TEX11: variants seen among roughly 807,000 people sequenced by gnomAD.
The protein encoded by TEX11 is testis expressed 11, also known as testis-expressed protein 11.
Under a neutral mutation model 84.4 loss-of-function variants are expected in TEX11, and 7 were observed. The observed-to-expected ratio is 0.08, with a 90% CI of 0.05 to 0.16. The LOEUF (loss-of-function observed/expected upper bound fraction) is 0.16, where lower values mean the gene tolerates loss of function less well. Among genes scored for constraint, TEX11 ranks in the 10% least tolerant of loss-of-function variants. TEX11 has a pLI of 1.00. For synonymous variants in TEX11, 264 were observed against 222.8 expected, an observed-to-expected ratio of 1.18 and a Z score of -1.64; for missense variants, 551 against 660.5, an observed-to-expected ratio of 0.83 and a Z score of 1.82.
intron 8 of TEX11, among the ~76,000 whole-genome samples, chrX:70,817,644 G>A (rs930734548): frequency 1.2e-4 from 13 of 110,594 alleles, no homozygotes; most frequent in African/African-American, 2.6e-4. Flanking sequence ...AGATCATGCC[G>A]CTGCACTCCA....
At chrX:70,905,060 C>G in intron 2 of TEX11, among the ~76,000 whole-genome samples, 1 of 112,182 alleles carries the variant, frequency 8.9e-6, no homozygotes, top group South Asian at 3.7e-4. Context: ...CAGTGGCTCT[C>G]ACCTGTAATC....
rs764401812 is a variant in TEX11 at position 70,567,189 on chromosome X, C to T, written c.2141-12389G>A. Among the ~76,000 whole-genome samples the T allele has an allele frequency of 6.4e-3, 702 of 110,109 alleles. 5 individuals are homozygous for T. The highest frequency in any genetic ancestry group is 0.01 in the Non-Finnish European group (541 of 52,565). On this transcript the variant is annotated intron_variant, in intron 25 of 29. Coordinates refer to ENST00000374333, the MANE Select transcript of TEX11 (RefSeq NM_031276.3). The stretch of plus-strand genomic sequence containing the variant: ...TCTTCTAGATTTTCTAGTTTATTTG[C>T]GTAGAGGTGTTTGTAGTATTCTCTG...
intron 25 of TEX11, among the ~76,000 whole-genome samples, chrX:70,582,519 C>T (rs901131328): frequency 1.8e-5 from 2 of 111,046 alleles, no homozygotes; most frequent in African/African-American, 6.5e-5. Flanking sequence ...AAAAGTTATT[C>T]TTCATCTTCT....
intron 4 of TEX11, 143 bp from the exon 5 acceptor site, chrX:70,861,079 T>TTTTTTTA (rs2091566181): frequency 1.4e-5 from 4 of 290,904 alleles, no homozygotes; most frequent in African/African-American, 1.3e-4. Context: ...TTTTTTTTTT[T>TTTTTTTA]GAGACGGAGT....
At chrX:70,821,893 T>C (rs2091319960) in intron 8 of TEX11, among the ~76,000 whole-genome samples, 1 of 111,654 alleles carries the variant, frequency 9.0e-6, no homozygotes, top group South Asian at 3.8e-4. Context: ...TACTATATGA[T>C]ATAGCCATTT....
chrX:70,691,062 A>G (rs955890425), intron 13 of TEX11, among the ~76,000 whole-genome samples: 1 of 112,230 alleles, frequency 8.9e-6, no homozygotes, highest in African/African-American at 3.2e-5. Flanking sequence ...AAACATACAA[A>G]TAGCCAAAAG....
At chrX:70,734,222 G>T (rs931606035) in intron 11 of TEX11, among the ~76,000 whole-genome samples, 19 of 109,924 alleles carry the variant, frequency 1.7e-4, no homozygotes, top group Admixed American at 4.9e-4. Context: ...GTTAATGGGT[G>T]TAGCACACCA....
chrX:70,841,951 T>C (rs1389242732), intron 7 of TEX11, among the ~76,000 whole-genome samples: 1 of 111,815 alleles, frequency 8.9e-6, no homozygotes, highest in Non-Finnish European at 1.9e-5. Flanking sequence ...AATCTCTGAA[T>C]AGACCAATAA....
chrX:70,751,486 G>C (rs1419161245), intron 9 of TEX11, among the ~76,000 whole-genome samples: 2 of 71,875 alleles, frequency 2.8e-5, no homozygotes, highest in Non-Finnish European at 5.0e-5. Flanking sequence ...CCTGTTGTGG[G>C]GTGGGGGGAG....
chrX:70,661,853 C>T (rs1405538742), intron 16 of TEX11, among the ~76,000 whole-genome samples: 1 of 111,700 alleles, frequency 9.0e-6, no homozygotes, highest in Non-Finnish European at 1.9e-5. Context: ...ACATCCACAC[C>T]AAAACCTCAT....
intron 17 of TEX11, among the ~76,000 whole-genome samples, chrX:70,645,346 C>T (rs189257846): frequency 8.1e-5 from 9 of 110,512 alleles, no homozygotes; most frequent in Admixed American, 2.9e-4. Flanking sequence ...ACACCATACT[C>T]AATGGTGAAT....
rs181350881 is a variant in TEX11 at position 70,694,425 on chromosome X, T to C, written c.1005-11600A>G. 3.6e-5 allele frequency among the ~76,000 whole-genome samples: 4 copies of C among 111,817 alleles called. No homozygotes were observed. The South Asian group carries it at 1.1e-3, about 32-fold the overall frequency. On this transcript the variant is annotated intron_variant, in intron 13 of 29. Transcript: ENST00000374333. ...ACAGGGCAAAAGATTTTAACAGGCA[T>C]TTCACAAAAAGGGATACACACATGA...
chrX:70,875,741 C>T (rs1003652867), intron 3 of TEX11, among the ~76,000 whole-genome samples: 1 of 110,703 alleles, frequency 9.0e-6, no homozygotes, highest in Non-Finnish European at 1.9e-5. Context: ...CAGAGCGAGA[C>T]TCTGCCTCAA....
At chrX:70,764,194 A>C (rs1332288241) in intron 9 of TEX11, among the ~76,000 whole-genome samples, 1 of 112,101 alleles carries the variant, frequency 8.9e-6, no homozygotes, top group East Asian at 2.8e-4. Context: ...GAAACTATAC[A>C]AATACATGAA....
intron 9 of TEX11, among the ~76,000 whole-genome samples, chrX:70,762,573 T>C (rs2090915585): frequency 9.0e-6 from 1 of 110,561 alleles, no homozygotes; most frequent in African/African-American, 3.3e-5. Context: ...GCAAGGGATC[T>C]AGGCTGCACA....
chrX:70,566,579 T>C (rs948486268), intron 25 of TEX11, among the ~76,000 whole-genome samples: 10 of 111,474 alleles, frequency 9.0e-5, no homozygotes, highest in African/African-American at 3.3e-4. Flanking sequence ...ATACATCCCA[T>C]CAATACCTAA....
At chrX:70,714,206 T>C (rs1208587134) in intron 13 of TEX11, among the ~76,000 whole-genome samples, 5 of 111,009 alleles carry the variant, frequency 4.5e-5, no homozygotes, top group Non-Finnish European at 9.5e-5. Flanking sequence ...AGTGCTTTAC[T>C]TCCAAGTATG....
intron 7 of TEX11, among the ~76,000 whole-genome samples, chrX:70,838,524 A>T (rs777825015): frequency 2.2e-4 from 25 of 112,737 alleles, no homozygotes; most frequent in African/African-American, 7.1e-4. Context: ...ATGGCCGAAT[A>T]GGAACAGCTC....
intron 1 of TEX11, among the ~76,000 whole-genome samples, 154 bp from the exon 2 acceptor site, chrX:70,907,964 C>G (rs1235283913): frequency 9.0e-6 from 1 of 111,522 alleles, no homozygotes; most frequent in Non-Finnish European, 1.9e-5. Flanking sequence ...TTGTGAGGGG[C>G]AGGGCCAGGC....
Sources: allele counts gnomAD v4.1 joint callset (sites outside exome capture counted in the v4.1 genomes callset), GRCh38; gene constraint gnomAD v4.1.1; transcripts MANE v1.5; gene names NCBI Gene and HGNC (gene_info 2026-07-23, HGNC 2026-07-21).